Variants in KIRREL3 observed in about 807,000 individuals in gnomAD.
The protein encoded by KIRREL3 is kin of IRRE-like protein 3.
KIRREL3 carries 36 observed loss-of-function variants against 89.7 expected under a neutral mutation model. The observed-to-expected ratio is 0.40, with a 90% CI of 0.31 to 0.53. The LOEUF (loss-of-function observed/expected upper bound fraction) is 0.53. Among genes scored for constraint, KIRREL3 ranks in the 20% least tolerant of loss-of-function variants. The pLI, the probability that KIRREL3 is intolerant of heterozygous loss-of-function variation, is 0.49. For synonymous variants in KIRREL3, 445 were observed against 441.4 expected, an observed-to-expected ratio of 1.01 and a Z score of -0.10; for missense variants, 864 against 1,056.6, an observed-to-expected ratio of 0.82 and a Z score of 2.53.
intron 1 of KIRREL3, among the ~76,000 whole-genome samples, chr11:126,950,456 G>A (rs1050921275): frequency 4.6e-5 from 7 of 152,084 alleles, no homozygotes; most frequent in South Asian, 2.1e-4. Context: ...TGACCTCTAC[G>A]GGCAGGCGGT....
rs1943109219 is a variant in KIRREL3, at chr11:126,611,099, C to T, written c.56-48187G>A. On this transcript the variant is annotated intron_variant, in intron 1 of 16. Transcript: ENST00000525144. This position sits in a 1 kb window ranked among gnomAD's most constrained non-coding sequence, Gnocchi z 4.7. ...CCGCCCACATTAAAATCTGACTCCA[C>T]TCCTGAGCTGTGTGACTTTGGGGAA... 5.9e-5 allele frequency among the ~76,000 whole-genome samples: 9 copies of T among 152,174 alleles called. No homozygotes were observed. Among genetic ancestry groups the T allele is most frequent in the Admixed American group, 5.9e-4 (9 of 15,280 alleles).
At chr11:126,712,550 T>C (rs1440890887) in intron 1 of KIRREL3, among the ~76,000 whole-genome samples, 2 of 151,856 alleles carry the variant, frequency 1.3e-5, no homozygotes, top group African/African-American at 4.8e-5. Flanking sequence ...AAAATGGAGG[T>C]CTATATTGCC....
rs1329710386 is a variant in KIRREL3, at chr11:126,503,117, G to A, written c.433+18198C>T. On this transcript the variant is annotated intron_variant, in intron 4 of 16. Transcript: ENST00000525144. ...CACCTGAACCTGTTTAGATAAGATT[G>A]CCACACAGATAGAAACCAAGGGCTC... is the stretch of plus-strand genomic sequence containing the variant. Among the ~76,000 whole-genome samples the A allele has an allele frequency of 2.6e-5, 4 of 152,336 alleles. No homozygotes were observed. In the East Asian group the frequency reaches 7.7e-4, roughly 29 times the overall value.
Position 126,989,726 on chromosome 11 carries a change from C to T in KIRREL3, c.55+10729G>A, listed in dbSNP as rs894305894. The stretch of plus-strand genomic sequence containing the variant: ...CGAAGTCTTAGGGCCAACAGGGGAA[C>T]GAAGTCTTAGGGCCAACAGGGTTCC... On this transcript the variant is annotated intron_variant, in intron 1 of 16. Transcript: ENST00000525144. The surrounding 1 kb of genome is among the most constrained non-coding windows in gnomAD (Gnocchi z 6.2). Among the ~76,000 whole-genome samples, 18 of 152,168 alleles carry T rather than the reference C, an allele frequency of 1.2e-4. No homozygotes were observed. The highest frequency in any genetic ancestry group is 2.2e-4 in the Non-Finnish European group (15 of 68,040).
chr11:126,850,610 T>A (rs955303360), intron 1 of KIRREL3, among the ~76,000 whole-genome samples: 1 of 152,106 alleles, frequency 6.6e-6, no homozygotes, highest in African/African-American at 2.4e-5. Context: ...TAAAAACCAC[T>A]AAGGGTCAAG....
chr11:126,607,871 C>T lies in KIRREL3; in HGVS notation c.56-44959G>A, dbSNP rs552378700. Among the ~76,000 whole-genome samples the T allele has an allele frequency of 6.6e-5, 10 of 152,278 alleles. No homozygotes were observed. Among genetic ancestry groups the T allele is most frequent in the African/African-American group, 1.4e-4 (6 of 41,568 alleles). On this transcript the variant is annotated intron_variant, in intron 1 of 16. Transcript: ENST00000525144. The surrounding 1 kb of genome is among the most constrained non-coding windows in gnomAD (Gnocchi z 6.6). ...ACAGAGTTGCCACCCACTGCAAGGA[C>T]GAACATCACTACTGGGTCAGCTCTG...
rs1220863080 is a variant in KIRREL3, at chr11:126,614,167, T to A, written c.56-51255A>T. Among the ~76,000 whole-genome samples the A allele has an allele frequency of 6.6e-6, 1 of 152,134 alleles. No homozygotes were observed. Among genetic ancestry groups the A allele is most frequent in the Non-Finnish European group, 1.5e-5 (1 of 68,026 alleles). On this transcript the variant is annotated intron_variant, in intron 1 of 16. Coordinates refer to ENST00000525144, the MANE Select transcript of KIRREL3 (RefSeq NM_032531.4). The surrounding 1 kb of genome is among the most constrained non-coding windows in gnomAD (Gnocchi z 4.6). ...TTATAAAAGAGAAGGGGGATTAACA[T>A]GTGCGCTTTAAGGGTTGGAAAAGTT...
rs1181390567 is a variant in KIRREL3 at position 126,508,244 on chromosome 11, G to A, written c.433+13071C>T. On this transcript the variant is annotated intron_variant, in intron 4 of 16. Transcript: ENST00000525144. This position sits in a 1 kb window ranked among gnomAD's most constrained non-coding sequence, Gnocchi z 4.9. ...CATTTTTTGGAAGCCAGTTTTTTCG[G>A]GTTGTGGGACTCAGCTATTTATTTT... 6.6e-6 allele frequency among the ~76,000 whole-genome samples: 1 copy of A among 152,214 alleles called. No homozygotes were observed. Among genetic ancestry groups the A allele is most frequent in the Non-Finnish European group, 1.5e-5 (1 of 68,048 alleles).
In KIRREL3 at chr11:126,492,019, G is replaced by A. The variant is rs1957531751; in HGVS notation, c.434-18553C>T. On this transcript the variant is annotated intron_variant, in intron 4 of 16. Transcript: ENST00000525144. This position sits in a 1 kb window ranked among gnomAD's most constrained non-coding sequence, Gnocchi z 4.8. ...GCCTGGGAGATTTGGAGTATTGATA[G>A]AGGGATTTCAGAATCTGGACTTTTA... 6.6e-6 allele frequency among the ~76,000 whole-genome samples: 1 copy of A among 152,162 alleles called. No homozygotes were observed. The highest frequency in any genetic ancestry group is 6.5e-5 in the Admixed American group (1 of 15,274).
At chr11:126,581,330 G>A (rs1422529423) in intron 1 of KIRREL3, among the ~76,000 whole-genome samples, 1 of 151,980 alleles carries the variant, frequency 6.6e-6, no homozygotes, top group Non-Finnish European at 1.5e-5. Context: ...AGCCTCCTGA[G>A]TAGCTGGGGT....
chr11:126,829,411 A>G (rs1943528946), intron 1 of KIRREL3, among the ~76,000 whole-genome samples: 1 of 152,204 alleles, frequency 6.6e-6, no homozygotes, highest in Non-Finnish European at 1.5e-5. Context: ...TAGTTGGTTA[A>G]AAAGATCTTT....
In KIRREL3 at chr11:126,635,890, T is replaced by G. The variant is rs1435751709; in HGVS notation, c.56-72978A>C. 6.6e-6 allele frequency among the ~76,000 whole-genome samples: 1 copy of G among 152,218 alleles called. No individual in the cohort carries two copies. The highest frequency in any genetic ancestry group is 2.4e-5 in the African/African-American group (1 of 41,468). On this transcript the variant is annotated intron_variant, in intron 1 of 16. Coordinates refer to ENST00000525144, the MANE Select transcript of KIRREL3 (RefSeq NM_032531.4). The surrounding 1 kb of genome is among the most constrained non-coding windows in gnomAD (Gnocchi z 4.0). ...TCCTCTTTGTTTCTCATTCCCAATA[T>G]GAAAATAACAAACCATTCTAGGGAA...
intron 6 of KIRREL3, among the ~76,000 whole-genome samples, chr11:126,458,822 G>C (rs1012321481): frequency 6.6e-6 from 1 of 152,184 alleles, no homozygotes; most frequent in Non-Finnish European, 1.5e-5. Context: ...ACAAAGATGG[G>C]GTTACAAGGA....
Position 126,811,166 on chromosome 11 carries a change from T to C in KIRREL3, c.55+189289A>G, listed in dbSNP as rs955419764. 6.6e-6 allele frequency among the ~76,000 whole-genome samples: 1 copy of C among 152,182 alleles called. No individual in the cohort carries two copies. The highest frequency in any genetic ancestry group is 1.5e-5 in the Non-Finnish European group (1 of 68,030). ...GGCTCTTAAGCAGCCAGCTAGCAAC[T>C]CCATGTGTTGTTACCCCACCTGACA... On this transcript the variant is annotated intron_variant, in intron 1 of 16. Coordinates refer to ENST00000525144, the MANE Select transcript of KIRREL3 (RefSeq NM_032531.4). The surrounding 1 kb of genome is among the most constrained non-coding windows in gnomAD (Gnocchi z 4.3).
At chr11:126,760,209 C>T (rs749874935) in intron 1 of KIRREL3, among the ~76,000 whole-genome samples, 4 of 152,174 alleles carry the variant, frequency 2.6e-5, no homozygotes, top group East Asian at 1.9e-4. Context: ...TAGGTCTCCA[C>T]GCAGGAATTT....
At chr11:126,725,100 G>A (rs1181417063) in intron 1 of KIRREL3, among the ~76,000 whole-genome samples, 1 of 152,220 alleles carries the variant, frequency 6.6e-6, no homozygotes, top group African/African-American at 2.4e-5. Flanking sequence ...TATTAGGTGA[G>A]AGGTGGCCAG....
At chr11:126,973,226 G>A (rs1290356763) in intron 1 of KIRREL3, among the ~76,000 whole-genome samples, 8 of 151,602 alleles carry the variant, frequency 5.3e-5, no homozygotes, top group African/African-American at 9.7e-5. Context: ...TTTTTATGCT[G>A]AGGGAGTCTT....
chr11:126,862,597 A>T (rs1944739667), intron 1 of KIRREL3, among the ~76,000 whole-genome samples: 1 of 152,204 alleles, frequency 6.6e-6, no homozygotes, highest in African/African-American at 2.4e-5. Flanking sequence ...GCCCTGATGA[A>T]TGAAGAGGTT....
rs1946464463 is a variant in KIRREL3, at chr11:126,903,759, TCAA to T, written c.55+96693_55+96695del. Among the ~76,000 whole-genome samples, 1 of 152,204 alleles carries T rather than the reference TCAA, an allele frequency of 6.6e-6. No individual in the cohort carries two copies. Among genetic ancestry groups the T allele is most frequent in the Non-Finnish European group, 1.5e-5 (1 of 68,048 alleles). On this transcript the variant is annotated intron_variant, in intron 1 of 16. Transcript: ENST00000525144. The surrounding 1 kb of genome is among the most constrained non-coding windows in gnomAD (Gnocchi z 4.5). The stretch of plus-strand genomic sequence containing the variant: ...CGCTTTCTGTAATCACCTTAATAGG[TCAA>T]CATAACAATGGATGTTGCTGGTGGA...
Sources: gnomAD v4.1 joint callset for allele counts (sites outside exome capture counted in the v4.1 genomes callset) on GRCh38, gnomAD v4.1.1 for gene constraint, Gnocchi (gnomAD v3.1) non-coding constraint, MANE v1.5 for transcripts, NCBI Gene and HGNC (gene_info 2026-07-23, HGNC 2026-07-21) for gene names.